The following RRM2 variants were observed in gnomAD, a reference collection of about 807,000 sequenced individuals.
RRM2 encodes the protein ribonucleotide reductase regulatory subunit M2.
RRM2 carries 6 observed loss-of-function variants against 45.9 expected under a neutral mutation model. The ratio of observed to expected loss-of-function variants is 0.13; its 90% confidence interval spans 0.07 to 0.26. The LOEUF is 0.26. RRM2 is among the 10% of genes least tolerant of loss of function. The pLI is 1.00. For missense variants in RRM2, 343 were observed against 489.5 expected, an observed-to-expected ratio of 0.70 and a Z score of 2.82; for synonymous variants, 177 against 173.0, an observed-to-expected ratio of 1.02 and a Z score of -0.18.
At position 10,126,965 on chromosome 2, in the gene RRM2, C is replaced by T; in HGVS notation, c.660C>T (p.Thr220=). ...ALRWIGDKEA[T]YGERVVAFAA... is the part of the protein sequence containing the mutation. ...GCTGGATTGGGGACAAAGAGGCTACCTATGGTAAGGAGACCCTTGCCCCTA... is the reference window on the plus strand; with the variant it reads ...GCTGGATTGGGGACAAAGAGGCTACTTATGGTAAGGAGACCCTTGCCCCTA... Residue 220 remains threonine (T), a synonymous_variant, in exon 6 of 10, where the codon ACC becomes ACT. Transcript: ENST00000304567. The T allele has an allele frequency of 6.2e-7, 1 of 1,613,938 alleles. No individual in the cohort carries two copies. The highest frequency in any genetic ancestry group is 8.5e-7 in the Non-Finnish European group (1 of 1,179,864).
chr2:10,147,302 A>G (rs1237058374), intron 3 of RRM2, among the ~76,000 whole-genome samples: 2 of 148,722 alleles, frequency 1.3e-5, no homozygotes, highest in African/African-American at 5.0e-5. Flanking sequence ...TTTGTTTTTG[A>G]GACAGAATCT....
At chr2:10,210,341 G>T in exon 4 of RRM2, 1 of 1,367,616 alleles carries the variant, frequency 7.3e-7, no homozygotes. Flanking sequence ...TTCTCTCACT[G>T]CAGAGTCTGG....
intron 3 of RRM2, among the ~76,000 whole-genome samples, chr2:10,206,855 C>A (rs973361668): frequency 2.0e-5 from 3 of 152,168 alleles, no homozygotes; most frequent in African/African-American, 7.2e-5. Context: ...GCTGGATACA[C>A]AAAGGAAATT....
chr2:10,141,869 G>A (rs767005253), exon 2 of RRM2: 2 of 1,563,682 alleles, frequency 1.3e-6, no homozygotes, highest in African/African-American at 2.7e-5. Context: ...GGGAGACCGT[G>A]AAGTGCAAAG....
intron 7 of RRM2, among the ~76,000 whole-genome samples, chr2:10,128,543 AG>A (rs1662829641): frequency 1.3e-5 from 2 of 152,242 alleles, no homozygotes; most frequent in African/African-American, 4.8e-5. Flanking sequence ...TCATGGCTGT[AG>A]AAAGATCACT....
chr2:10,194,321 C>G (rs1193514375), intron 3 of RRM2, among the ~76,000 whole-genome samples: 3 of 152,194 alleles, frequency 2.0e-5, no homozygotes, highest in African/African-American at 7.2e-5. Context: ...AGGCCTGTGT[C>G]CACCTCCTGG....
chr2:10,142,125 G>T (rs1392522442), intron 2 of RRM2: 11 of 1,567,946 alleles, frequency 7.0e-6, no homozygotes, highest in Non-Finnish European at 9.6e-6. Context: ...AAGCGCAAAG[G>T]CCCTGTGGCA....
At chr2:10,155,161 T>A in intron 3 of RRM2, 1 of 341,306 alleles carries the variant, frequency 2.9e-6, no homozygotes, top group Non-Finnish European at 5.6e-6. Flanking sequence ...GGATCCTGTT[T>A]GAAACCAACA....
intron 3 of RRM2, among the ~76,000 whole-genome samples, chr2:10,146,636 G>A (rs1201303356): frequency 2.7e-5 from 3 of 109,662 alleles, no homozygotes; most frequent in African/African-American, 1.1e-4. Context: ...CCCTGCTGCA[G>A]GTGGGCCATG....
chr2:10,203,490 C>T (rs1664607765), intron 3 of RRM2, among the ~76,000 whole-genome samples: 1 of 152,162 alleles, frequency 6.6e-6, no homozygotes, highest in African/African-American at 2.4e-5. Context: ...GTGGCTCACG[C>T]CTGTAATCCC....
chr2:10,177,324 C>T (rs182477383), intron 3 of RRM2, among the ~76,000 whole-genome samples: 1 of 152,134 alleles, frequency 6.6e-6, no homozygotes, highest in Admixed American at 6.5e-5. Flanking sequence ...GTTTTGAGGT[C>T]TGCCTTTTTC....
chr2:10,140,836 T>C (rs115680969), upstream of RRM2, among the ~76,000 whole-genome samples: 621 of 152,268 alleles, frequency 4.1e-3, 4 homozygotes, highest in African/African-American at 0.014. Flanking sequence ...TTTCCTATAA[T>C]GTTCTTATAA....
intron 3 of RRM2, among the ~76,000 whole-genome samples, chr2:10,143,108 C>T (rs1414840341): frequency 2.6e-5 from 4 of 152,172 alleles, no homozygotes; most frequent in Admixed American, 1.3e-4. Flanking sequence ...CTCCTGACCT[C>T]GTGATCTGCC....
intron 3 of RRM2, among the ~76,000 whole-genome samples, chr2:10,170,513 C>CGA (rs142196072): frequency 2.5e-4 from 38 of 150,068 alleles, no homozygotes; most frequent in Middle Eastern, 3.4e-3. Context: ...TCCTGTCAGG[C>CGA]GAGAGAGAGA....
At chr2:10,158,491 G>A (rs1182601169) in intron 3 of RRM2, among the ~76,000 whole-genome samples, 1 of 151,996 alleles carries the variant, frequency 6.6e-6, no homozygotes, top group African/African-American at 2.4e-5. Flanking sequence ...GAGGCACTCA[G>A]TACAGAGGGT....
rs1184476426 is a variant in RRM2 at position 10,122,739 on chromosome 2, G to A, written c.-60G>A. 3.2e-6 allele frequency: 5 copies of A among 1,553,414 alleles called. No individual in the cohort carries two copies. Among genetic ancestry groups the A allele is most frequent in the East Asian group, 2.4e-5 (1 of 41,280 alleles). On this transcript the variant is annotated 5_prime_UTR_variant, in exon 1 of 10. The change creates a new upstream start codon in the 5' untranslated region. Coordinates refer to ENST00000304567, the MANE Select transcript of RRM2 (RefSeq NM_001034.4). ...AGGCTGCTGGAGTGAGGGGTCGCCC[G>A]TGCACCCTGTCCCAGCCGTCCTGTC...
chr2:10,123,654 C>G, intron 3 of RRM2, 82 bp from the exon 4 acceptor site: 1 of 1,427,414 alleles, frequency 7.0e-7, no homozygotes, highest in South Asian at 1.2e-5. Context: ...TGCCAGCATA[C>G]TTAAAGTTTG....
At position 10,195,939 on chromosome 2, in the gene RRM2, A is replaced by C. The variant is rs1337769895; in HGVS notation, n.483-14372A>C. ...TACCCTCACTTCCAGTGTTGAACAC[A>C]GTCATGCTAGAAATGGTGCCTGGTG... On this transcript the variant is annotated intron_variant and non_coding_transcript_variant, in intron 3 of 3. Coordinates refer to the RRM2 transcript ENST00000381786. The surrounding 1 kb of genome is among the most constrained non-coding windows in gnomAD (Gnocchi z 4.9). Among the ~76,000 whole-genome samples, 3 of 152,232 alleles carry C rather than the reference A, an allele frequency of 2.0e-5. No homozygotes were observed. The highest frequency in any genetic ancestry group is 4.4e-5 in the Non-Finnish European group (3 of 68,046).
chr2:10,190,664 T>C lies in RRM2; in HGVS notation n.483-19647T>C, dbSNP rs565672450. On this transcript the variant is annotated intron_variant and non_coding_transcript_variant, in intron 3 of 3. Coordinates refer to the RRM2 transcript ENST00000381786. ...TGATGGTGGGGTTGGTGGTGATGAGTGTGATGATAATGGTGGTGATGATGG... is the reference window on the plus strand; with the variant it reads ...TGATGGTGGGGTTGGTGGTGATGAGCGTGATGATAATGGTGGTGATGATGG... Among the ~76,000 whole-genome samples, 113 of 141,100 alleles carry C rather than the reference T, an allele frequency of 8.0e-4. 1 individual carries two copies. Among genetic ancestry groups the C allele is most frequent in the African/African-American group, 2.9e-3 (107 of 37,220 alleles). 92.6% of individuals were successfully genotyped at this position (141,100 alleles called of 152,430 possible).
Sources: allele counts gnomAD v4.1 joint callset (sites outside exome capture counted in the v4.1 genomes callset), GRCh38; gene constraint gnomAD v4.1.1; non-coding constraint Gnocchi (gnomAD v3.1); transcripts MANE v1.5; gene names NCBI Gene and HGNC (gene_info 2026-07-23, HGNC 2026-07-21).